Variants in DDHD2 observed in about 807,000 individuals in gnomAD.
DDHD2 encodes the protein triacylglycerol hydrolase DDHD2.
Under a neutral mutation model 91.2 loss-of-function variants are expected in DDHD2, and 62 were observed. The observed-to-expected ratio is 0.68, with a 90% confidence interval of 0.55 to 0.84. DDHD2 has a LOEUF of 0.84. Ranked by LOEUF, DDHD2 falls within the 40% of genes least tolerant of loss-of-function variation. The pLI is 0.00. For missense variants in DDHD2, 740 were observed against 846.9 expected (o/e 0.87, Z 1.57); for synonymous variants, 271 against 293.9 (o/e 0.92, Z 0.80).
At chr8:38,241,955 G>A (rs1441817818) in intron 6 of DDHD2, 1 of 243,668 alleles carries the variant, frequency 4.1e-6, no homozygotes, top group African/African-American at 2.3e-5. Context: ...TCAAGAGGCT[G>A]AGGCAGGAGA....
intron 16 of DDHD2, 94 bp from the exon 17 acceptor site, chr8:38,259,946 C>T: frequency 1.3e-6 from 1 of 793,188 alleles, no homozygotes; most frequent in Non-Finnish European, 2.1e-6. Context: ...AATAAACTTG[C>T]AAGATGGTTG....
At chr8:38,242,497 G>C in intron 7 of DDHD2, 112 bp downstream of exon 7, 2 of 1,163,578 alleles carry the variant, frequency 1.7e-6, no homozygotes, top group Non-Finnish European at 2.4e-6. Context: ...AAATTTCTTA[G>C]AGATATGCTA....
chr8:38,268,874 C>T (rs1211134078), intron 1 of DDHD2: 1 of 1,548,154 alleles, frequency 6.5e-7, no homozygotes, highest in Non-Finnish European at 8.7e-7. Context: ...CGATCTTTCT[C>T]CACGCACAAA....
In DDHD2 at chr8:38,237,039, T is replaced by C. The variant is rs117176999; in HGVS notation, c.412-499T>C. ...TAGATGATGGAATTAGGAGTATTTT[T>C]CCCCCTTTGTCCTGGTGCTACTATC... On this transcript the variant is annotated intron_variant, in intron 3 of 17. Transcript: ENST00000397166. Among the ~76,000 whole-genome samples the C allele has an allele frequency of 2.2e-3, 339 of 152,232 alleles. 11 individuals carry two copies. In the East Asian group the frequency reaches 0.06, roughly 27 times the overall value.
chr8:38,241,586 A>C (rs1043941173), intron 6 of DDHD2, among the ~76,000 whole-genome samples: 2 of 151,390 alleles, frequency 1.3e-5, no homozygotes, highest in Admixed American at 6.6e-5. Flanking sequence ...ATGCCTGGCT[A>C]ATTTTTGTAT....
intron 10 of DDHD2, among the ~76,000 whole-genome samples, chr8:38,248,838 G>T (rs1167161696): frequency 6.6e-6 from 1 of 151,454 alleles, no homozygotes; most frequent in Non-Finnish European, 1.5e-5. Context: ...CCAGCTACTT[G>T]GGAGGCTGAG....
At chr8:38,233,757 C>G (rs1021811087) in intron 2 of DDHD2, among the ~76,000 whole-genome samples, 5 of 151,828 alleles carry the variant, frequency 3.3e-5, no homozygotes, top group African/African-American at 1.2e-4. Context: ...GGTGAAACCC[C>G]TTCTCTACTA....
chr8:38,245,978 A>G, intron 8 of DDHD2, 28 bp downstream of exon 8: 1 of 1,583,986 alleles, frequency 6.3e-7, no homozygotes, highest in Non-Finnish European at 8.6e-7. Context: ...GTGTGACCAG[A>G]GAAGACTATC....
intron 16 of DDHD2, among the ~76,000 whole-genome samples, chr8:38,255,935 T>G (rs1227972332): frequency 6.6e-6 from 1 of 152,242 alleles, no homozygotes; most frequent in Admixed American, 6.5e-5. Context: ...TACCTTTTTA[T>G]ACTCCCAGCA....
chr8:38,270,138 T>C (rs1334679425), intron 1 of DDHD2: 1 of 152,202 alleles, frequency 6.6e-6, no homozygotes, highest in Non-Finnish European at 1.5e-5. Flanking sequence ...CACTAATCCC[T>C]TAGTGTCAAG....
At chr8:38,268,987 C>T (rs753844536) in intron 1 of DDHD2, 2 of 1,571,974 alleles carry the variant, frequency 1.3e-6, no homozygotes, top group Admixed American at 4.0e-5. Flanking sequence ...GCAGCTCCGT[C>T]ACCCTAGAGG....
Position 38,252,229 on chromosome 8 carries a change from G to T in DDHD2, c.1559G>T (p.Arg520Ile). Residue 520 changes from arginine (R) to isoleucine (I), a missense_variant, in exon 13 of 18, where the codon AGA becomes ATA. By Grantham distance (97) the Arg-to-Ile change is moderately conservative (BLOSUM62 -3). Around this residue, in one of 2 missense-constraint regions of DDHD2, gnomAD observed 693 missense variants for 764.2 expected, o/e 0.91. Coordinates refer to ENST00000397166, the MANE Select transcript of DDHD2 (RefSeq NM_015214.3). ...TTCCTTACTGTCCGAGGACTAAAAA[G>T]AATTGATCCCAACTACAGATTTCCA... ...GMFLTVRGLK[R>I]IDPNYRFPTC... The T allele has an allele frequency of 6.2e-7, 1 of 1,614,112 alleles. No individual in the cohort carries two copies. Among genetic ancestry groups the T allele is most frequent in the African/African-American group, 1.3e-5 (1 of 75,034 alleles).
intron 10 of DDHD2, among the ~76,000 whole-genome samples, chr8:38,249,337 C>T (rs1301913960): frequency 1.3e-5 from 2 of 151,778 alleles, no homozygotes; most frequent in East Asian, 3.9e-4. Flanking sequence ...CTCCTGACCT[C>T]ATGATCCACC....
At chr8:38,273,474 T>C (rs1808532897), downstream of DDHD2, 1 of 152,190 alleles carries the variant, frequency 6.6e-6, no homozygotes, top group South Asian at 2.1e-4. Context: ...TACCCTGGCT[T>C]ACCATAGAAA....
chr8:38,258,189 G>A (rs1008387019), intron 16 of DDHD2, among the ~76,000 whole-genome samples: 1 of 151,448 alleles, frequency 6.6e-6, no homozygotes, highest in African/African-American at 2.4e-5. Context: ...TCAGATTCAG[G>A]TCCTTTTTTC....
chr8:38,242,081 C>A, intron 6 of DDHD2, 169 bp from the exon 7 acceptor site: 1 of 567,046 alleles, frequency 1.8e-6, no homozygotes, highest in Non-Finnish European at 3.0e-6. Flanking sequence ...AAAGAAACAT[C>A]TTTTCCTATA....
At chr8:38,249,985 C>T (rs957672113) in intron 11 of DDHD2, 182 bp downstream of exon 11, 8 of 310,930 alleles carry the variant, frequency 2.6e-5, no homozygotes, top group Non-Finnish European at 4.9e-5. Flanking sequence ...GGTGTGATCC[C>T]AGCTCATTGC....
Position 38,253,675 on chromosome 8 carries a change from T to G in DDHD2, c.2011T>G (p.Phe671Val). Residue 671 changes from phenylalanine to valine, a missense_variant, in exon 16 of 18, where the codon TTT (phenylalanine) becomes GTT (valine). Around this residue, in one of 2 missense-constraint regions of DDHD2, gnomAD observed 47 missense variants for 82.6 expected, o/e 0.57. Transcript: ENST00000397166. ...GCTACAGGAGAAGCCTATTGAAAGTTTTAATGAGTATTTATTTGCTTTACA... is the reference window on the plus strand; with the variant it reads ...GCTACAGGAGAAGCCTATTGAAAGTGTTAATGAGTATTTATTTGCTTTACA... Reference protein sequence around the residue: ...YVLQEKPIESFNEYLFALQSH... With the variant: ...YVLQEKPIESVNEYLFALQSH... 6.2e-7 allele frequency: 1 copy of G among 1,614,174 alleles called. No individual in the cohort carries two copies. The highest frequency in any genetic ancestry group is 8.5e-7 in the Non-Finnish European group (1 of 1,180,002).
At chr8:38,256,446 A>G (rs1449791080) in intron 16 of DDHD2, among the ~76,000 whole-genome samples, 1 of 151,792 alleles carries the variant, frequency 6.6e-6, no homozygotes, top group Non-Finnish European at 1.5e-5. Context: ...TCAGCCTCCC[A>G]AGAAGCTGGG....
Sources: gnomAD v4.1 joint callset for allele counts (sites outside exome capture counted in the v4.1 genomes callset) on GRCh38, gnomAD v4.1.1 for gene constraint, gnomAD v4.1.1 regional missense constraint, MANE v1.5 for transcripts, NCBI Gene and HGNC (gene_info 2026-07-23, HGNC 2026-07-21) for gene names.